CALCOCO2: variants seen among roughly 807,000 people sequenced by gnomAD.
CALCOCO2 encodes calcium-binding and coiled-coil domain-containing protein 2.
CALCOCO2 carries 42 observed loss-of-function variants against 62.5 expected under a neutral mutation model. The observed-to-expected ratio is 0.67, with a 90% confidence interval of 0.53 to 0.87. The LOEUF (loss-of-function observed/expected upper bound fraction) is 0.87, where lower values mean the gene tolerates loss of function less well. CALCOCO2 is among the 40% of genes least tolerant of loss of function. The pLI is 0.00. For synonymous variants in CALCOCO2, 167 were observed against 173.0 expected (o/e 0.97, Z 0.27); for missense variants, 456 against 515.0 (o/e 0.89, Z 1.11).
At chr17:48,860,178 T>C in intron 10 of CALCOCO2, 136 bp from the exon 11 acceptor site, 1 of 642,184 alleles carries the variant, frequency 1.6e-6, no homozygotes, top group South Asian at 2.1e-5. Flanking sequence ...TGAAGAATTA[T>C]GGATTATCAA....
Position 48,853,015 on chromosome 17 carries a change from A to G in CALCOCO2, c.912+3A>G. ...TGAAGAAACAACAGGAATTAATGGC[A>G]TGTCTGTCTTTGGATGGTTATGTGG... is the stretch of plus-strand genomic sequence containing the variant. On this transcript the variant is annotated splice_donor_region_variant and intron_variant, in intron 9 of 12. Transcript: ENST00000258947. 6.2e-7 allele frequency: 1 copy of G among 1,601,764 alleles called. No homozygotes were observed. The highest frequency in any genetic ancestry group is 8.6e-7 in the Non-Finnish European group (1 of 1,168,744).
At chr17:48,853,589 T>A (rs2040163465) in intron 9 of CALCOCO2, among the ~76,000 whole-genome samples, 3 of 152,208 alleles carry the variant, frequency 2.0e-5, no homozygotes, top group Admixed American at 2.0e-4. Context: ...CTGATTATAA[T>A]TCACATCATA....
chr17:48,857,690 T>C (rs2040239598), intron 10 of CALCOCO2, among the ~76,000 whole-genome samples: 2 of 149,514 alleles, frequency 1.3e-5, no homozygotes, highest in South Asian at 4.3e-4. Flanking sequence ...ACACATAAAA[T>C]TTGGCTGGGC....
chr17:48,858,046 A>ATAGAATAGAAAATAGAATAGAATAG, intron 10 of CALCOCO2, among the ~76,000 whole-genome samples: 6 of 40,030 alleles, frequency 1.5e-4, no homozygotes, highest in African/African-American at 1.9e-4. Flanking sequence ...ATAGAATAGA[A>ATAGAATAGAAAATAGAATAGAATAG]AATAGAATAG....
At chr17:48,848,200 CA>C (rs1242301442) in intron 3 of CALCOCO2, 34 bp downstream of exon 3, 1 of 1,536,096 alleles carries the variant, frequency 6.5e-7, no homozygotes, top group Admixed American at 1.7e-5. Flanking sequence ...GTGTTGAAGA[CA>C]GTAGCCAAGA....
intron 10 of CALCOCO2, among the ~76,000 whole-genome samples, chr17:48,857,497 C>CTTGTTTTTTTTTTTTTTT (rs2040235617): frequency 2.6e-5 from 1 of 38,428 alleles, no homozygotes; most frequent in Non-Finnish European, 4.8e-5. Flanking sequence ...GCACCCGGCC[C>CTTGTTTTTTTTTTTTTTT]TTTTTTTTTT....
chr17:48,834,284 A>T (rs1396286605), intron 1 of CALCOCO2, among the ~76,000 whole-genome samples: 1 of 152,104 alleles, frequency 6.6e-6, no homozygotes, highest in East Asian at 1.9e-4. Flanking sequence ...GCTAGGAGAC[A>T]GTTCAGGGGA....
chr17:48,846,670 G>C (rs1023912522), intron 2 of CALCOCO2, among the ~76,000 whole-genome samples: 3 of 152,192 alleles, frequency 2.0e-5, no homozygotes, highest in African/African-American at 7.2e-5. Flanking sequence ...GTGGCTCTGA[G>C]ATGCTTACAG....
In CALCOCO2 at chr17:48,853,946, C is replaced by T. The variant is rs546216216; in HGVS notation, c.912+934C>T. The stretch of plus-strand genomic sequence containing the variant: ...TGCATTCAGTTCCTTCGTTTGATTA[C>T]ATTTCTTGCCTGCTCTCTATAGGCA... On this transcript the variant is annotated intron_variant, in intron 9 of 12. Transcript: ENST00000258947. Among the ~76,000 whole-genome samples, 4 of 152,254 alleles carry T rather than the reference C, an allele frequency of 2.6e-5. No individual in the cohort carries two copies. The South Asian group carries it at 8.3e-4, about 32-fold the overall frequency.
Position 48,860,405 on chromosome 17 carries a change from G to T in CALCOCO2, c.1100G>T (p.Gly367Val), listed in dbSNP as rs1382533384. Residue 367 changes from glycine (G) to valine (V), a missense_variant, in exon 11 of 13, where the codon GGC becomes GTC. Physicochemically the swap from Gly to Val is moderately radical, Grantham distance 109. Transcript: ENST00000258947. ...CAAGTACCTACTTCAGATGAAGGAGGCGCAAGACAAAATCCAGGACTTGCC... is the reference window on the plus strand; with the variant it reads ...CAAGTACCTACTTCAGATGAAGGAGTCGCAAGACAAAATCCAGGACTTGCC... ...PYQVPTSDEGGARQNPGLAYG... is the reference protein window; with the variant it reads ...PYQVPTSDEGVARQNPGLAYG... The T allele has an allele frequency of 5.0e-6, 8 of 1,613,940 alleles. No individual in the cohort carries two copies. In the South Asian group the frequency reaches 8.8e-5, roughly 18 times the overall value.
chr17:48,862,735 C>A, intron 12 of CALCOCO2, 103 bp from the exon 13 acceptor site: 1 of 882,918 alleles, frequency 1.1e-6, no homozygotes, highest in South Asian at 1.5e-5. Context: ...AACCATGTGC[C>A]AGTCATTATG....
At chr17:48,852,473 A>G (rs528139610) in intron 7 of CALCOCO2, 33 bp from the exon 8 acceptor site, 6 of 1,589,568 alleles carry the variant, frequency 3.8e-6, no homozygotes, top group East Asian at 2.2e-5. Context: ...TCCTTCTTTT[A>G]TATCTTGGTT....
intron 5 of CALCOCO2, among the ~76,000 whole-genome samples, chr17:48,850,429 C>T (rs543852738): frequency 1.3e-5 from 2 of 152,182 alleles, no homozygotes; most frequent in East Asian, 3.9e-4. Context: ...TGCACTCCAG[C>T]CTGAGCAACA....
intron 1 of CALCOCO2, among the ~76,000 whole-genome samples, chr17:48,838,143 G>T (rs967477868): frequency 1.3e-5 from 2 of 151,924 alleles, no homozygotes; most frequent in Non-Finnish European, 2.9e-5. Context: ...CAACTCTAAG[G>T]GGGTATGCGT....
At chr17:48,856,290 G>T in intron 10 of CALCOCO2, 103 bp downstream of exon 10, 1 of 615,030 alleles carries the variant, frequency 1.6e-6, no homozygotes, top group East Asian at 2.7e-5. Context: ...GGCCCTTTCT[G>T]GGACAGTGGG....
intron 9 of CALCOCO2, 127 bp from the exon 10 acceptor site, chr17:48,855,965 T>C (rs2040209075): frequency 2.2e-6 from 1 of 449,030 alleles, no homozygotes; most frequent in East Asian, 3.2e-5. Context: ...TACCATTTCT[T>C]CCTCCCAGTT....
At chr17:48,849,793 C>T (rs2040102351) in intron 5 of CALCOCO2, among the ~76,000 whole-genome samples, 1 of 151,996 alleles carries the variant, frequency 6.6e-6, no homozygotes, top group Non-Finnish European at 1.5e-5. Flanking sequence ...CATGAGCCAC[C>T]GTCCCTGTCT....
Position 48,862,775 on chromosome 17 carries a change from G to A in CALCOCO2, c.1174-63G>A. 4 of 1,367,862 alleles carry A rather than the reference G, an allele frequency of 2.9e-6. No individual in the cohort carries two copies. In the Admixed American group the frequency reaches 5.1e-5, roughly 17 times the overall value. The allele number at this position is 1,367,862 out of a possible 1,614,324, so 84.7% of individuals were successfully genotyped here. On this transcript the variant is annotated intron_variant, in intron 12 of 12. Transcript: ENST00000258947. ...GCACTGAGGATACAGTGGAAGACAG[G>A]ATGGCCACATCTGTGCCACATATAG...
At chr17:48,838,528 C>T (rs1247458059) in intron 1 of CALCOCO2, among the ~76,000 whole-genome samples, 1 of 152,006 alleles carries the variant, frequency 6.6e-6, no homozygotes, top group East Asian at 1.9e-4. Context: ...TCCTTTCTAA[C>T]ACGGTGAAAC....
Sources: allele counts gnomAD v4.1 joint callset (sites outside exome capture counted in the v4.1 genomes callset), GRCh38; gene constraint gnomAD v4.1.1; transcripts MANE v1.5; gene names NCBI Gene and HGNC (gene_info 2026-07-23, HGNC 2026-07-21).